The following EXOC1 variants were observed in gnomAD, a reference collection of about 807,000 sequenced individuals.
The protein encoded by EXOC1 is SEC3-like 1.
EXOC1 carries 67 observed loss-of-function variants against 107.7 expected under a neutral mutation model. The observed-to-expected ratio is 0.62, with a 90% CI of 0.51 to 0.76. The LOEUF is 0.76. Ranked by LOEUF, EXOC1 falls within the 30% of genes least tolerant of loss-of-function variation. The pLI is 0.00. For synonymous variants in EXOC1, 348 were observed against 353.5 expected (o/e 0.98, Z 0.17); for missense variants, 833 against 1,055.7 (o/e 0.79, Z 2.92).
chr4:55,872,765 C>T (rs1183042303), intron 8 of EXOC1: 22 of 824,518 alleles, frequency 2.7e-5, no homozygotes, highest in Non-Finnish European at 3.2e-5. Context: ...TTTACTCAGG[C>T]CCTCCTTCAA....
chr4:55,891,850 G>A (rs576762794), intron 13 of EXOC1, among the ~76,000 whole-genome samples: 1 of 152,248 alleles, frequency 6.6e-6, no homozygotes, highest in East Asian at 1.9e-4. Flanking sequence ...CCTCAGATTT[G>A]CCTTCCTTGT....
rs1176681759 is a variant in EXOC1 at position 55,853,819 on chromosome 4, C to A, written c.-145C>A. 6.6e-6 allele frequency: 1 copy of A among 152,310 alleles called. No individual in the cohort carries two copies. Among genetic ancestry groups the A allele is most frequent in the African/African-American group, 2.4e-5 (1 of 41,458 alleles). 9.4% of individuals were successfully genotyped at this position (152,310 alleles called of 1,614,324 possible). On this transcript the variant is annotated 5_prime_UTR_variant, in exon 1 of 19. Transcript: ENST00000381295. ...TGCGGTAAGCCTTCGGCCGCGGCTG[C>A]CCGGTAGTCCCGGCGGCGGCGGACA...
At chr4:55,872,750 A>G (rs886480033) in intron 8 of EXOC1, 23 of 947,930 alleles carry the variant, frequency 2.4e-5, no homozygotes, top group East Asian at 2.3e-4. Flanking sequence ...TTTATTTCCA[A>G]TTAGTTTACT....
rs967139517 is a variant in EXOC1, at chr4:55,894,607, T to A, written c.1953+827T>A. Among the ~76,000 whole-genome samples the A allele has an allele frequency of 4.7e-5, 7 of 147,864 alleles. No individual in the cohort carries two copies. In the Admixed American group the frequency reaches 4.9e-4, roughly 10 times the overall value. On this transcript the variant is annotated intron_variant, in intron 15 of 18. Transcript: ENST00000381295. Reference sequence around the variant, plus strand: ...AAAAAATTTGACAACTTTCTTACTATCTGTTACTTTTTTTTTTTTTTTTTT... The same window carrying A: ...AAAAAATTTGACAACTTTCTTACTAACTGTTACTTTTTTTTTTTTTTTTTT...
In EXOC1 at chr4:55,890,229, A is replaced by G; in HGVS notation, c.1382A>G (p.His461Arg). 3.7e-6 allele frequency: 6 copies of G among 1,613,916 alleles called. No individual in the cohort carries two copies. The highest frequency in any genetic ancestry group is 4.2e-6 in the Non-Finnish European group (5 of 1,179,864). ...SAVKQETESL[H>R]GSSGKLTGST... Reference sequence around the variant, plus strand: ...AAGTTTTATTATTTCTTAGGTCTTCATGGAAGTTCGGGGAAATTAACTGGA... The same window carrying G: ...AAGTTTTATTATTTCTTAGGTCTTCGTGGAAGTTCGGGGAAATTAACTGGA... The change falls in exon 12 of 19, where the codon CAT becomes CGT. Residue 461 changes from histidine (H) to arginine (R), a missense_variant. His to Arg is a conservative substitution (Grantham distance 29). Transcript: ENST00000381295.
chr4:55,868,339 C>T lies in EXOC1; in HGVS notation c.419C>T (p.Ser140Phe), dbSNP rs1402928264. ...TTTGAATTTTTACCTCTTTAAGAAT[C>T]TGTTCCAAGTGGAGAAAATCAGAGT... The part of the protein sequence containing the change: ...VNVSSQLLEE[S>F]VPSGENQSVT... The change falls in exon 5 of 19, where the codon TCT becomes TTT. Residue 140 changes from serine to phenylalanine, a missense_variant. By Grantham distance (155) the Ser-to-Phe change is radical (BLOSUM62 -2). Around this residue, in one of 2 missense-constraint regions of EXOC1, gnomAD observed 617 missense variants for 701.3 expected, o/e 0.88. Transcript: ENST00000381295. 6.2e-7 allele frequency: 1 copy of T among 1,605,920 alleles called. No homozygotes were observed. The highest frequency in any genetic ancestry group is 1.7e-5 in the Admixed American group (1 of 59,114).
intron 11 of EXOC1, 135 bp from the exon 12 acceptor site, chr4:55,890,088 A>G: frequency 1.3e-6 from 1 of 751,608 alleles, no homozygotes; most frequent in South Asian, 1.9e-5. Flanking sequence ...CCTATCCCTT[A>G]TAGAAGATTT....
chr4:55,857,685 T>C (rs1270886100), intron 1 of EXOC1, among the ~76,000 whole-genome samples: 1 of 152,234 alleles, frequency 6.6e-6, no homozygotes, highest in Non-Finnish European at 1.5e-5. Context: ...TGTTTCACTT[T>C]ATGAGGAGTC....
chr4:55,857,805 T>C (rs1404686061), intron 1 of EXOC1, among the ~76,000 whole-genome samples: 4 of 152,214 alleles, frequency 2.6e-5, no homozygotes, highest in Non-Finnish European at 5.9e-5. Context: ...ACACTTGTTA[T>C]TTTCTATCGT....
At chr4:55,884,704 A>T (rs1162246294) in intron 10 of EXOC1, among the ~76,000 whole-genome samples, 2 of 152,144 alleles carry the variant, frequency 1.3e-5, no homozygotes, top group East Asian at 1.9e-4. Context: ...CACATTGTGT[A>T]CTCCTCAGTG....
At position 55,890,307 on chromosome 4, in the gene EXOC1, C is replaced by T. The variant is rs1210631528; in HGVS notation, c.1460C>T (p.Ser487Phe). ...GTTCAGAGTTCAGGGAATCGCAGAT[C>T]TCAGTCATCTTCCCTGTTGGATATG... ...LSVQSSGNRR[S>F]QSSSLLDMGN... is the part of the protein sequence containing the mutation. Residue 487 changes from serine to phenylalanine, a missense_variant, in exon 12 of 19, where the codon TCT (serine) becomes TTT (phenylalanine). This residue lies in a region of EXOC1 where 617 missense variants were observed against 701.3 expected (regional missense o/e 0.88). Coordinates refer to ENST00000381295, the MANE Select transcript of EXOC1 (RefSeq NM_001024924.2). 1.9e-6 allele frequency: 3 copies of T among 1,614,010 alleles called. No homozygotes were observed. Among genetic ancestry groups the T allele is most frequent in the South Asian group, 2.2e-5 (2 of 91,076 alleles).
intron 10 of EXOC1, among the ~76,000 whole-genome samples, chr4:55,885,136 A>G (rs543286268): frequency 6.6e-6 from 1 of 152,208 alleles, no homozygotes; most frequent in South Asian, 2.1e-4. Flanking sequence ...AGTAAACAGC[A>G]TATTATTAAT....
intron 9 of EXOC1, among the ~76,000 whole-genome samples, chr4:55,881,504 CAT>C (rs748546783): frequency 3.3e-5 from 5 of 152,110 alleles, no homozygotes; most frequent in Non-Finnish European, 7.4e-5. Context: ...GTCCTGACGA[CAT>C]GTGCCCAAGG....
Position 55,888,759 on chromosome 4 carries a change from T to C in EXOC1, c.1331-129T>C. Reference sequence around the variant, plus strand: ...AACATGTGTTTGCACTTCTTGTTACTTGATGCTCATGGTTCTTTGCATGTG... The same window carrying C: ...AACATGTGTTTGCACTTCTTGTTACCTGATGCTCATGGTTCTTTGCATGTG... On this transcript the variant is annotated intron_variant, in intron 10 of 18. Coordinates refer to ENST00000381295, the MANE Select transcript of EXOC1 (RefSeq NM_001024924.2). 5.8e-6 allele frequency: 5 copies of C among 866,642 alleles called. No homozygotes were observed. In the South Asian group the frequency reaches 8.0e-5, roughly 14 times the overall value. The allele number at this position is 866,642 out of a possible 1,614,324, so 53.7% of individuals were successfully genotyped here.
intron 7 of EXOC1, 83 bp downstream of exon 7, chr4:55,871,316 T>C: frequency 3.4e-6 from 5 of 1,489,654 alleles, no homozygotes; most frequent in Non-Finnish European, 4.5e-6. Flanking sequence ...TGACAAGAAA[T>C]ACATGAGACA....
At chr4:55,904,265 T>A (rs1001849069) in intron 18 of EXOC1, 78 bp from the exon 19 acceptor site, 1 of 1,365,498 alleles carries the variant, frequency 7.3e-7, no homozygotes, top group Non-Finnish European at 9.8e-7. Context: ...TCTTAGAATA[T>A]GCCTTGGCAT....
intron 9 of EXOC1, among the ~76,000 whole-genome samples, chr4:55,879,152 C>T (rs1055118427): frequency 1.3e-5 from 2 of 152,176 alleles, no homozygotes; most frequent in Admixed American, 1.3e-4. Flanking sequence ...GCACCTATTA[C>T]GTGCTAACAC....
chr4:55,877,439 C>T (rs1723004031), intron 8 of EXOC1: 1 of 985,186 alleles, frequency 1.0e-6, no homozygotes, highest in Non-Finnish European at 1.2e-6. Context: ...GTTCCAATTC[C>T]AAGCTCTAAG....
chr4:55,887,449 G>C (rs560008129), intron 10 of EXOC1, among the ~76,000 whole-genome samples: 1 of 152,152 alleles, frequency 6.6e-6, no homozygotes, highest in Non-Finnish European at 1.5e-5. Flanking sequence ...CCTTTATGAA[G>C]TTTACATTCT....
Sources: allele counts gnomAD v4.1 joint callset (sites outside exome capture counted in the v4.1 genomes callset), GRCh38; gene constraint gnomAD v4.1.1; regional missense constraint gnomAD v4.1.1; transcripts MANE v1.5; gene names NCBI Gene and HGNC (gene_info 2026-07-23, HGNC 2026-07-21).